The following TMEM132B variants were observed in gnomAD, a reference collection of about 807,000 sequenced individuals.
The protein encoded by TMEM132B is transmembrane protein 132B.
In TMEM132B, 18 loss-of-function variants were observed where a neutral mutation model predicts 90.8. The ratio of observed to expected loss-of-function variants is 0.20; its 90% CI spans 0.14 to 0.29. The LOEUF (loss-of-function observed/expected upper bound fraction) is 0.29, where lower values mean the gene tolerates loss of function less well. TMEM132B is among the 10% of genes least tolerant of loss of function. The pLI is 1.00. For synonymous variants in TMEM132B, 504 were observed against 523.3 expected, an observed-to-expected ratio of 0.96 and a Z score of 0.50; for missense variants, 1,096 against 1,326.8, an observed-to-expected ratio of 0.83 and a Z score of 2.70.
At chr12:125,311,954 G>T (rs1454247544) in intron 1 of TMEM132B, among the ~76,000 whole-genome samples, 1 of 152,240 alleles carries the variant, frequency 6.6e-6, no homozygotes, top group African/African-American at 2.4e-5. Context: ...TGGCATAAAG[G>T]AGTGAAGCAG....
chr12:125,224,683 A>C (rs1266490732), intron 1 of TMEM132B, among the ~76,000 whole-genome samples: 1 of 152,214 alleles, frequency 6.6e-6, no homozygotes, highest in Admixed American at 6.5e-5. Context: ...TTTTAAGAGG[A>C]AGGGCAGAAG....
intron 1 of TMEM132B, among the ~76,000 whole-genome samples, chr12:125,208,182 G>A (rs1313662054): frequency 6.6e-6 from 1 of 152,202 alleles, no homozygotes; most frequent in East Asian, 1.9e-4. Flanking sequence ...CATGTCTGGT[G>A]TAACTAGTAT....
intron 2 of TMEM132B, among the ~76,000 whole-genome samples, chr12:125,389,918 A>G (rs1347859296): frequency 1.3e-5 from 2 of 152,208 alleles, no homozygotes; most frequent in Non-Finnish European, 2.9e-5. Flanking sequence ...ACAGACAGTA[A>G]ATGCACAGAT....
intron 2 of TMEM132B, among the ~76,000 whole-genome samples, chr12:125,393,816 A>T (rs1253446922): frequency 1.3e-5 from 2 of 152,226 alleles, no homozygotes; most frequent in African/African-American, 4.8e-5. Context: ...CAGGAACTTC[A>T]TGGGACAAAC....
At chr12:125,430,551 G>T (rs543897461) in intron 3 of TMEM132B, among the ~76,000 whole-genome samples, 24 of 152,334 alleles carry the variant, frequency 1.6e-4, no homozygotes, top group South Asian at 6.2e-4. Flanking sequence ...CCCAGGGAAG[G>T]TGGAGCTGGG....
chr12:125,570,045 T>A (rs919749671), intron 4 of TMEM132B, among the ~76,000 whole-genome samples: 9 of 152,066 alleles, frequency 5.9e-5, no homozygotes, highest in African/African-American at 2.2e-4. Flanking sequence ...TTCCAGAAGA[T>A]GCTCCTTATG....
intron 4 of TMEM132B, among the ~76,000 whole-genome samples, chr12:125,533,694 G>C (rs938912555): frequency 6.6e-6 from 1 of 152,094 alleles, no homozygotes; most frequent in African/African-American, 2.4e-5. Context: ...GAGGCTCCTG[G>C]AGCCCCTGCC....
At chr12:125,422,811 T>G (rs1307706500) in intron 3 of TMEM132B, among the ~76,000 whole-genome samples, 1 of 152,194 alleles carries the variant, frequency 6.6e-6, no homozygotes, top group Non-Finnish European at 1.5e-5. Context: ...GATTGTCCCC[T>G]GGAGCCCTCG....
At chr12:125,505,176 A>C (rs1328651631) in intron 3 of TMEM132B, among the ~76,000 whole-genome samples, 1 of 135,604 alleles carries the variant, frequency 7.4e-6, no homozygotes, top group African/African-American at 3.1e-5. Flanking sequence ...CAAAAAAAAA[A>C]AAAAAAAAAA....
Position 125,406,041 on chromosome 12 carries a change from T to A in TMEM132B, c.960-9490T>A. Among the ~76,000 whole-genome samples, 1 of 152,218 alleles carries A rather than the reference T, an allele frequency of 6.6e-6. No individual in the cohort carries two copies. The highest frequency in any genetic ancestry group is 1.5e-5 in the Non-Finnish European group (1 of 68,034). Reference sequence around the variant, plus strand: ...CCTTGCTTTTTTTTGGAATATTTATTAGTTCAGTTTCCTGAACTAATGAAG... The same window carrying A: ...CCTTGCTTTTTTTTGGAATATTTATAAGTTCAGTTTCCTGAACTAATGAAG... On this transcript the variant is annotated intron_variant, in intron 2 of 8. Transcript: ENST00000682704. This position sits in a 1 kb window ranked among gnomAD's most constrained non-coding sequence, Gnocchi z 8.3.
intron 4 of TMEM132B, among the ~76,000 whole-genome samples, chr12:125,531,686 C>G (rs1883650417): frequency 6.6e-6 from 1 of 152,220 alleles, no homozygotes; most frequent in Non-Finnish European, 1.5e-5. Flanking sequence ...GCAAGGTGTT[C>G]TGCAAACAGC....
chr12:125,646,557 T>C (rs1886769135), intron 6 of TMEM132B, among the ~76,000 whole-genome samples: 1 of 152,202 alleles, frequency 6.6e-6, no homozygotes, highest in Non-Finnish European at 1.5e-5. Flanking sequence ...TCGTCTCCTA[T>C]GGGCAAACCC....
intron 1 of TMEM132B, among the ~76,000 whole-genome samples, chr12:125,200,953 T>C (rs1388564806): frequency 6.6e-6 from 1 of 152,238 alleles, no homozygotes; most frequent in Non-Finnish European, 1.5e-5. Flanking sequence ...GATCTTAGAA[T>C]AGGAGCACCG....
chr12:125,207,909 G>A (rs1264352877), intron 1 of TMEM132B, among the ~76,000 whole-genome samples: 1 of 152,162 alleles, frequency 6.6e-6, no homozygotes, highest in African/African-American at 2.4e-5. Context: ...CCCTTTTTAA[G>A]ACTGAATAAC....
At chr12:125,242,264 C>T (rs1874089418) in intron 1 of TMEM132B, among the ~76,000 whole-genome samples, 1 of 152,164 alleles carries the variant, frequency 6.6e-6, no homozygotes, top group African/African-American at 2.4e-5. Context: ...ATCCTCCTGC[C>T]TCAGCCTTCT....
At chr12:125,292,586 G>A (rs1346653659) in intron 1 of TMEM132B, among the ~76,000 whole-genome samples, 1 of 152,180 alleles carries the variant, frequency 6.6e-6, no homozygotes, top group Non-Finnish European at 1.5e-5. Flanking sequence ...TGCAGTATCT[G>A]GGAGGGACAG....
chr12:125,358,146 T>C (rs1339616187), intron 2 of TMEM132B, among the ~76,000 whole-genome samples: 1 of 151,916 alleles, frequency 6.6e-6, no homozygotes, highest in Non-Finnish European at 1.5e-5. Context: ...ACACTCTCTA[T>C]GGGGGGGAGA....
At chr12:125,626,868 T>C (rs1236843686) in intron 5 of TMEM132B, among the ~76,000 whole-genome samples, 1 of 150,816 alleles carries the variant, frequency 6.6e-6, no homozygotes, top group Non-Finnish European at 1.5e-5. Context: ...CTTGGTTATA[T>C]AGTTTTTTCA....
At chr12:125,431,600 C>T (rs1880511575) in intron 3 of TMEM132B, among the ~76,000 whole-genome samples, 1 of 152,162 alleles carries the variant, frequency 6.6e-6, no homozygotes, top group South Asian at 2.1e-4. Flanking sequence ...TGCTTTTCTT[C>T]CCCCTGACTC....
Sources: gnomAD v4.1 joint callset for allele counts (sites outside exome capture counted in the v4.1 genomes callset) on GRCh38, gnomAD v4.1.1 for gene constraint, Gnocchi (gnomAD v3.1) non-coding constraint, MANE v1.5 for transcripts, NCBI Gene and HGNC (gene_info 2026-07-23, HGNC 2026-07-21) for gene names.